The following ISLR2 variants were observed in gnomAD, a reference collection of about 807,000 sequenced individuals.
ISLR2 encodes the protein immunoglobulin superfamily containing leucine-rich repeat protein 2.
A neutral mutation model predicts 25.5 loss-of-function variants in ISLR2; 16 were observed. The ratio of observed to expected loss-of-function variants is 0.63; its 90% CI spans 0.43 to 0.95. ISLR2 has a LOEUF of 0.95. Among genes scored for constraint, ISLR2 ranks in the 40% least tolerant of loss-of-function variants. The pLI is 0.00. For synonymous variants in ISLR2, 508 were observed against 486.6 expected (o/e 1.04, Z -0.58); for missense variants, 883 against 1,030.7 (o/e 0.86, Z 1.96).
In ISLR2 at chr15:74,134,605, G is replaced by C; in HGVS notation, c.1851G>C (p.Leu617=). The C allele has an allele frequency of 6.2e-7, 1 of 1,614,120 alleles. No individual in the cohort carries two copies. The highest frequency in any genetic ancestry group is 8.5e-7 in the Non-Finnish European group (1 of 1,180,016). Residue 617 remains leucine, a synonymous_variant, in exon 3 of 3, where the codon CTG becomes CTC. Coordinates refer to ENST00000453268, the MANE Select transcript of ISLR2 (RefSeq NM_020851.3). The part of the protein sequence containing the change: ...PLLGAACCHL[L]AKHPGKPYRL... ...TGGGCGCCGCCTGCTGCCATCTGCTGGCTAAACACCCGGGCAAGCCCTACC... is the reference window on the plus strand; with the variant it reads ...TGGGCGCCGCCTGCTGCCATCTGCTCGCTAAACACCCGGGCAAGCCCTACC...
Position 74,135,294 on chromosome 15 carries a change from T to G in ISLR2, c.*302T>G. The G allele has an allele frequency of 5.6e-5, 18 of 321,462 alleles. No individual in the cohort carries two copies. The highest frequency in any genetic ancestry group is 1.7e-4 in the East Asian group (3 of 17,430). 19.9% of individuals were successfully genotyped at this position (321,462 alleles called of 1,614,324 possible). A position where few individuals can be genotyped will look rare whatever the true frequency, so the allele number is the denominator to read the frequency against. On this transcript the variant is annotated 3_prime_UTR_variant, in exon 3 of 3. Coordinates refer to ENST00000453268, the MANE Select transcript of ISLR2 (RefSeq NM_020851.3). ...GGTGGGCGATATCTATGTCCCTCCA[T>G]TCCCGTCGCGATTATCTGCGAAATC... is the stretch of plus-strand genomic sequence containing the variant.
chr15:74,103,531 A>AGCTGCTCG (rs2072096631), intron 1 of ISLR2, among the ~76,000 whole-genome samples: 1 of 123,172 alleles, frequency 8.1e-6, no homozygotes, highest in African/African-American at 3.4e-5. Context: ...GCTTGAACCC[A>AGCTGCTCG]GGAGGCTGAG....
Position 74,133,099 on chromosome 15 carries a change from G to A in ISLR2, c.345G>A (p.Pro115=), listed in dbSNP as rs761657377. ...GCCACAACTTCATATCCAGCTTTCCGTGGAGCGACCTGCGCAACCTGAGCG... is the reference window on the plus strand; with the variant it reads ...GCCACAACTTCATATCCAGCTTTCCATGGAGCGACCTGCGCAACCTGAGCG... The part of the protein sequence containing the change: ...DLSHNFISSF[P]WSDLRNLSAL... Residue 115 remains proline, a synonymous_variant, in exon 3 of 3, where the codon CCG becomes CCA. Coordinates refer to ENST00000453268, the MANE Select transcript of ISLR2 (RefSeq NM_020851.3). 6.2e-7 allele frequency: 1 copy of A among 1,612,636 alleles called. No homozygotes were observed. The highest frequency in any genetic ancestry group is 8.5e-7 in the Non-Finnish European group (1 of 1,180,008).
At chr15:74,123,610 C>T (rs949599807), upstream of ISLR2, among the ~76,000 whole-genome samples, 42 of 152,180 alleles carry the variant, frequency 2.8e-4, no homozygotes, top group Non-Finnish European at 8.8e-5. Flanking sequence ...CCACATTTTT[C>T]CTAAGACCAA....
chr15:74,104,127 T>A (rs990206715), intron 2 of ISLR2, among the ~76,000 whole-genome samples: 2 of 152,240 alleles, frequency 1.3e-5, no homozygotes, highest in East Asian at 3.8e-4. Flanking sequence ...GTATGTGCTA[T>A]CATTACCATG....
Position 74,132,964 on chromosome 15 carries a change from C to G in ISLR2, c.210C>G (p.Ala70=), listed in dbSNP as rs373172391. 73 of 1,613,916 alleles carry G rather than the reference C, an allele frequency of 4.5e-5. No homozygotes were observed. Among genetic ancestry groups the G allele is most frequent in the Non-Finnish European group, 5.3e-5 (63 of 1,179,944 alleles). The change falls in exon 3 of 3, where the codon GCC becomes GCG. Residue 70 remains alanine (A), a synonymous_variant. Coordinates refer to ENST00000453268, the MANE Select transcript of ISLR2 (RefSeq NM_020851.3). This position sits in a 1 kb window ranked among gnomAD's most constrained non-coding sequence, Gnocchi z 4.3. ...ANKITVLRRG[A]FADVTQVTSL... ...AGATCACTGTGCTGCGGCGCGGGGC[C>G]TTCGCCGACGTCACACAGGTCACGT...
In ISLR2 at chr15:74,132,803, G is replaced by A. The variant is rs1468954799; in HGVS notation, c.49G>A (p.Ala17Thr). The A allele has an allele frequency of 6.2e-7, 1 of 1,614,088 alleles. No homozygotes were observed. Among genetic ancestry groups the A allele is most frequent in the Non-Finnish European group, 8.5e-7 (1 of 1,179,962 alleles). The change falls in exon 3 of 3, where the codon GCC (alanine) becomes ACC (threonine). Residue 17 changes from alanine (A) to threonine (T), a missense_variant. Transcript: ENST00000453268. The surrounding 1 kb of genome is among the most constrained non-coding windows in gnomAD (Gnocchi z 4.3). ...LWLVWALLGV[A>T]GSCPEPCACV... ...GTTGGTCTGGGCGCTTCTAGGAGTG[G>A]CCGGATCATGCCCGGAGCCGTGCGC...
downstream of ISLR2, among the ~76,000 whole-genome samples, chr15:74,138,919 G>A (rs566257055): frequency 2.6e-5 from 4 of 152,228 alleles, no homozygotes; most frequent in South Asian, 4.1e-4. Context: ...CTGGGAACAG[G>A]CCTGGCTGGG....
In ISLR2 at chr15:74,134,739, G is replaced by A. The variant is rs780090060; in HGVS notation, c.1985G>A (p.Gly662Asp). Reference sequence around the variant, plus strand: ...TCCGAGAAAAGCTACCCGGCAGGCGGCGAGGCGGGCGGCGAGGAGCCAGAG... The same window carrying A: ...TCCGAGAAAAGCTACCCGGCAGGCGACGAGGCGGGCGGCGAGGAGCCAGAG... ...LESEKSYPAG[G>D]EAGGEEPEDV... Residue 662 changes from glycine to aspartate, a missense_variant, in exon 3 of 3, where the codon GGC becomes GAC. Transcript: ENST00000453268. 1.9e-5 allele frequency: 30 copies of A among 1,613,976 alleles called. No homozygotes were observed. The highest frequency in any genetic ancestry group is 2.4e-5 in the Non-Finnish European group (28 of 1,179,942).
At chr15:74,125,996 C>A (rs1004147760), upstream of ISLR2, 4 of 152,204 alleles carry the variant, frequency 2.6e-5, 1 homozygote, top group Admixed American at 1.3e-4. Flanking sequence ...GGCATGCTGA[C>A]AAGCATCAGT....
intron 1 of ISLR2, among the ~76,000 whole-genome samples, chr15:74,101,896 T>C (rs1273303180): frequency 1.3e-3 from 25 of 19,742 alleles, no homozygotes; most frequent in Non-Finnish European, 2.0e-3. Context: ...AGCAACAGAA[T>C]GAGACCATCT....
rs2072568316 is a variant in ISLR2 at position 74,136,518 on chromosome 15, CTG to C, written c.*1530_*1531del. On this transcript the variant is annotated 3_prime_UTR_variant, in exon 3 of 3. Coordinates refer to ENST00000453268, the MANE Select transcript of ISLR2 (RefSeq NM_020851.3). ...CAAGCGTGCCCTGTAGGAGAAAAGT[CTG>C]TGTCCTGTGAAGTGTGACCGTGTAG... The C allele has an allele frequency of 6.8e-6, 1 of 146,214 alleles. No homozygotes were observed. Among genetic ancestry groups the C allele is most frequent in the South Asian group, 2.8e-4 (1 of 3,624 alleles). 9.1% of individuals were successfully genotyped at this position (146,214 alleles called of 1,614,324 possible).
rs778883746 is a variant in ISLR2 at position 74,134,949 on chromosome 15, T to G, written c.2195T>G (p.Ile732Ser). ...CCCCTGGGCGCCGAGGCGGTCAACA[T>G]CGCCCAGGAGATTAATGGCAACTAC... is the stretch of plus-strand genomic sequence containing the variant. ...RLPLGAEAVNIAQEINGNYRQ... is the reference protein window; with the variant it reads ...RLPLGAEAVNSAQEINGNYRQ... The change falls in exon 3 of 3, where the codon ATC becomes AGC. Residue 732 changes from isoleucine to serine, a missense_variant. Transcript: ENST00000453268. 8.7e-6 allele frequency: 14 copies of G among 1,613,712 alleles called. No homozygotes were observed. Among genetic ancestry groups the G allele is most frequent in the Non-Finnish European group, 1.2e-5 (14 of 1,180,020 alleles).
At chr15:74,105,594 C>T (rs1351616106) in intron 2 of ISLR2, among the ~76,000 whole-genome samples, 6 of 137,662 alleles carry the variant, frequency 4.4e-5, no homozygotes, top group Non-Finnish European at 9.3e-5. Flanking sequence ...TGTGAGTCCC[C>T]GCAGCACTGA....
chr15:74,133,904 G>A lies in ISLR2; in HGVS notation c.1150G>A (p.Ala384Thr), dbSNP rs201686977. Residue 384 changes from alanine to threonine, a missense_variant, in exon 3 of 3, where the codon GCC becomes ACC. By Grantham distance (58) the Ala-to-Thr change is moderately conservative. Coordinates refer to ENST00000453268, the MANE Select transcript of ISLR2 (RefSeq NM_020851.3). Reference sequence around the variant, plus strand: ...CGGGCCCCCAAAACACGCGCCTGGCGCCGGGGGAGAACCCGACGGACAGGC... The same window carrying A: ...CGGGCCCCCAAAACACGCGCCTGGCACCGGGGGAGAACCCGACGGACAGGC... The part of the protein sequence containing the change: ...ATGPPKHAPG[A>T]GGEPDGQAPT... 1.7e-5 allele frequency: 27 copies of A among 1,605,382 alleles called. No individual in the cohort carries two copies. The African/African-American group carries it at 2.9e-4, about 17-fold the overall frequency.
rs1367731665 is a variant in ISLR2 at position 74,132,816 on chromosome 15, C to T, written c.62C>T (p.Pro21Leu). The T allele has an allele frequency of 3.1e-6, 5 of 1,613,968 alleles. No homozygotes were observed. Among genetic ancestry groups the T allele is most frequent in the African/African-American group, 1.3e-5 (1 of 74,934 alleles). ...WALLGVAGSC[P>L]EPCACVDKYA... ...CTTCTAGGAGTGGCCGGATCATGCC[C>T]GGAGCCGTGCGCCTGCGTGGACAAG... Residue 21 changes from proline (P) to leucine (L), a missense_variant, in exon 3 of 3, where the codon CCG becomes CTG. Physicochemically the swap from Pro to Leu is moderately conservative, Grantham distance 98 (BLOSUM62 -3). This residue lies in a region of ISLR2 where 271 missense variants were observed against 387.9 expected (regional missense o/e 0.70). Transcript: ENST00000453268. This position sits in a 1 kb window ranked among gnomAD's most constrained non-coding sequence, Gnocchi z 4.3.
intron 2 of ISLR2, among the ~76,000 whole-genome samples, chr15:74,121,291 C>T (rs918961435): frequency 6.6e-6 from 1 of 152,116 alleles, no homozygotes; most frequent in Admixed American, 6.5e-5. Context: ...ATCAAGTTCC[C>T]AGCTGAGTCT....
intron 2 of ISLR2, among the ~76,000 whole-genome samples, chr15:74,105,625 GA>G (rs2072113730): frequency 6.8e-6 from 1 of 146,828 alleles, no homozygotes; most frequent in Non-Finnish European, 1.5e-5. Flanking sequence ...TGTCAGCTGA[GA>G]ACATTCAGCT....
In ISLR2 at chr15:74,134,170, G is replaced by A. The variant is rs769321234; in HGVS notation, c.1416G>A (p.Ala472=). ...CCTCTCGGTACGTTTCTAACCACGCGTTCAACCAGAGCGCAGAGCTCAAGC... is the reference window on the plus strand; with the variant it reads ...CCTCTCGGTACGTTTCTAACCACGCATTCAACCAGAGCGCAGAGCTCAAGC... ...GDPSRYVSNH[A]FNQSAELKPH... Residue 472 remains alanine (A), a synonymous_variant, in exon 3 of 3, where the codon GCG becomes GCA. Coordinates refer to ENST00000453268, the MANE Select transcript of ISLR2 (RefSeq NM_020851.3). 6.2e-7 allele frequency: 1 copy of A among 1,612,892 alleles called. No homozygotes were observed. Among genetic ancestry groups the A allele is most frequent in the Admixed American group, 1.7e-5 (1 of 59,888 alleles).
Sources: gnomAD v4.1 joint callset for allele counts (sites outside exome capture counted in the v4.1 genomes callset) on GRCh38, gnomAD v4.1.1 for gene constraint, gnomAD v4.1.1 regional missense constraint, Gnocchi (gnomAD v3.1) non-coding constraint, MANE v1.5 for transcripts, NCBI Gene and HGNC (gene_info 2026-07-23, HGNC 2026-07-21) for gene names.